Variants in DDX19B observed in about 807,000 individuals in gnomAD.
DDX19B encodes the protein ATP-dependent RNA helicase DDX19B.
Under a neutral mutation model 58.1 loss-of-function variants are expected in DDX19B, and 27 were observed. That is an observed-to-expected ratio of 0.46 (90% CI 0.34 to 0.64). The LOEUF (loss-of-function observed/expected upper bound fraction) is 0.64, where lower values mean the gene tolerates loss of function less well. Among genes scored for constraint, DDX19B ranks in the 30% least tolerant of loss-of-function variants. DDX19B has a pLI of 0.01. For missense variants in DDX19B, 399 were observed against 596.5 expected, an observed-to-expected ratio of 0.67 and a Z score of 3.45; for synonymous variants, 187 against 214.4, an observed-to-expected ratio of 0.87 and a Z score of 1.12.
intron 5 of DDX19B, among the ~76,000 whole-genome samples, chr16:70,320,487 C>T (rs1387217276): frequency 2.6e-5 from 4 of 151,478 alleles, no homozygotes; most frequent in Non-Finnish European, 5.9e-5. Context: ...CCTCCCACCT[C>T]GGCCTCCCAC....
intron 10 of DDX19B, 22 bp from the exon 11 acceptor site, chr16:70,332,946 C>G (rs1482683251): frequency 6.2e-7 from 1 of 1,613,992 alleles, no homozygotes. Context: ...GTCCTCTCAG[C>G]CTCCAACTCT....
At chr16:70,309,389 G>A (rs1375727068) in intron 1 of DDX19B, among the ~76,000 whole-genome samples, 1 of 152,076 alleles carries the variant, frequency 6.6e-6, no homozygotes, top group East Asian at 1.9e-4. Flanking sequence ...CAGCTACTCC[G>A]GAGGCTGAGG....
chr16:70,291,760 G>A (rs1567617236), upstream of DDX19B, among the ~76,000 whole-genome samples: 1 of 151,972 alleles, frequency 6.6e-6, no homozygotes, highest in South Asian at 2.1e-4. Flanking sequence ...GCAGTGAGCC[G>A]AGATCAGGCC....
intron 4 of DDX19B, chr16:70,317,249 C>A: frequency 3.9e-6 from 1 of 256,834 alleles, no homozygotes; most frequent in Non-Finnish European, 7.4e-6. Flanking sequence ...GGCATGGTGC[C>A]ATGTACCTGT....
chr16:70,299,204 T>C lies in DDX19B; in HGVS notation c.-94T>C, dbSNP rs1597460991. The C allele has an allele frequency of 4.9e-6, 7 of 1,427,848 alleles. No individual in the cohort carries two copies. The highest frequency in any genetic ancestry group is 1.5e-5 in the African/African-American group (1 of 68,576). 88.4% of individuals were successfully genotyped at this position (1,427,848 alleles called of 1,614,324 possible). A position where few individuals can be genotyped will look rare whatever the true frequency, so the allele number is the denominator to read the frequency against. Reference sequence around the variant, plus strand: ...CCGGTCTGCAGCCTTGTAGTGGGGCTGGAGCAGAGCCTGCCGCGAACCCCC... The same window carrying C: ...CCGGTCTGCAGCCTTGTAGTGGGGCCGGAGCAGAGCCTGCCGCGAACCCCC... On this transcript the variant is annotated 5_prime_UTR_variant, in exon 1 of 12. Coordinates refer to ENST00000288071, the MANE Select transcript of DDX19B (RefSeq NM_007242.7).
chr16:70,310,899 C>T (rs986039237), intron 1 of DDX19B, among the ~76,000 whole-genome samples: 3 of 151,086 alleles, frequency 2.0e-5, no homozygotes, highest in African/African-American at 4.9e-5. Context: ...GGGGTGGTAG[C>T]GGACGCCTGT....
upstream of DDX19B, among the ~76,000 whole-genome samples, chr16:70,291,805 T>C (rs1451713140): frequency 2.0e-5 from 3 of 151,564 alleles, no homozygotes; most frequent in Admixed American, 6.6e-5. Context: ...AGCGAGACTT[T>C]GTCTCAAAAT....
At chr16:70,294,768 G>A, upstream of DDX19B, 3 of 1,181,792 alleles carry the variant, frequency 2.5e-6, no homozygotes, top group Non-Finnish European at 3.4e-6. Flanking sequence ...GGATTTCCAG[G>A]CCTCAGCCAA....
chr16:70,316,189 C>G lies in DDX19B; in HGVS notation c.296+85C>G, dbSNP rs1436680224. ...TGTTATAGATATCTTTTGACCACAA[C>G]AGAGCAGTTTTAGCTAACCAAGTTT... On this transcript the variant is annotated intron_variant, in intron 4 of 11. Transcript: ENST00000288071. 253 of 1,519,160 alleles carry G rather than the reference C, an allele frequency of 1.7e-4. 1 individual carries two copies. The highest frequency in any genetic ancestry group is 1.5e-4 in the Non-Finnish European group (173 of 1,128,882). 94.1% of individuals were successfully genotyped at this position (1,519,160 alleles called of 1,614,324 possible). A position where few individuals can be genotyped will look rare whatever the true frequency, so the allele number is the denominator to read the frequency against.
At chr16:70,318,669 G>A (rs1026966213) in intron 5 of DDX19B, among the ~76,000 whole-genome samples, 5 of 151,572 alleles carry the variant, frequency 3.3e-5, no homozygotes, top group African/African-American at 7.3e-5. Context: ...GGTGGCAGGC[G>A]CCTGTAAACC....
At chr16:70,325,778 A>T in intron 7 of DDX19B, 90 bp downstream of exon 7, 1 of 952,050 alleles carries the variant, frequency 1.1e-6, no homozygotes, top group Non-Finnish European at 1.7e-6. Flanking sequence ...AAATAATACA[A>T]TAAACACATG....
At chr16:70,314,840 A>G in intron 2 of DDX19B, 62 bp from the exon 3 acceptor site, 8 of 1,578,142 alleles carry the variant, frequency 5.1e-6, no homozygotes, top group Non-Finnish European at 6.9e-6. Flanking sequence ...TAGAATTTGA[A>G]TTGTCTCAAC....
At chr16:70,303,550 A>G (rs546078705) in intron 1 of DDX19B, among the ~76,000 whole-genome samples, 1 of 152,140 alleles carries the variant, frequency 6.6e-6, no homozygotes, top group African/African-American at 2.4e-5. Flanking sequence ...CTAATTTATC[A>G]ATTTTTGTTT....
intron 1 of DDX19B, among the ~76,000 whole-genome samples, chr16:70,301,700 T>C (rs572501444): frequency 1.3e-5 from 2 of 151,312 alleles, no homozygotes; most frequent in South Asian, 2.1e-4. Flanking sequence ...CTCTCTCTTT[T>C]TTTTTTTTTT....
In DDX19B at chr16:70,304,340, G is replaced by A. The variant is rs1961640658; in HGVS notation, c.57+4986G>A. On this transcript the variant is annotated intron_variant, in intron 1 of 11. Coordinates refer to ENST00000288071, the MANE Select transcript of DDX19B (RefSeq NM_007242.7). ...GGCGTGAGCCACCGTGCCTGGCCGA[G>A]GTTCATCTGTTCATCTTTTTCACAG... Among the ~76,000 whole-genome samples the A allele has an allele frequency of 5.4e-5, 8 of 149,300 alleles. 1 individual carries two copies. The South Asian group carries it at 1.7e-3, about 32-fold the overall frequency.
chr16:70,315,718 A>G, intron 3 of DDX19B: 1 of 402,716 alleles, frequency 2.5e-6, no homozygotes, highest in Non-Finnish European at 4.4e-6. Context: ...GGATAGGAGG[A>G]ATAGATAACT....
chr16:70,330,155 C>T (rs1021189157), intron 9 of DDX19B, 87 bp downstream of exon 9: 19 of 1,489,562 alleles, frequency 1.3e-5, no homozygotes, highest in Non-Finnish European at 1.7e-5. Flanking sequence ...CCCCTGGGTG[C>T]CATGGGAAGA....
intron 2 of DDX19B, 30 bp from the exon 3 acceptor site, chr16:70,314,872 T>C (rs118184889): frequency 0.016 from 25,383 of 1,606,234 alleles, 265 homozygotes; most frequent in Non-Finnish European, 0.017. Flanking sequence ...GGATGCGATT[T>C]TGAATGATGG....
Position 70,299,925 on chromosome 16 carries a change from G to T in DDX19B, c.57+571G>T, listed in dbSNP as rs140888677. Among the ~76,000 whole-genome samples, 227 of 152,088 alleles carry T rather than the reference G, an allele frequency of 1.5e-3. 1 individual carries two copies. The highest frequency in any genetic ancestry group is 5.3e-3 in the African/African-American group (221 of 41,492). On this transcript the variant is annotated intron_variant, in intron 1 of 11. Coordinates refer to ENST00000288071, the MANE Select transcript of DDX19B (RefSeq NM_007242.7). ...CAGTCAGCAAATCCTTTCCTCATCGGCTTCACTTTGTTCTTTTTTTCTGGA... is the reference window on the plus strand; with the variant it reads ...CAGTCAGCAAATCCTTTCCTCATCGTCTTCACTTTGTTCTTTTTTTCTGGA...
Sources: gnomAD v4.1 joint callset for allele counts (sites outside exome capture counted in the v4.1 genomes callset) on GRCh38, gnomAD v4.1.1 for gene constraint, MANE v1.5 for transcripts, NCBI Gene and HGNC (gene_info 2026-07-23, HGNC 2026-07-21) for gene names.